Variants in ADCY8 observed in about 807,000 individuals in gnomAD.
ADCY8 encodes adenylate cyclase 8.
In ADCY8, 51 loss-of-function variants were observed where a neutral mutation model predicts 119.7. That is an observed-to-expected ratio of 0.43 (90% CI 0.34 to 0.54). ADCY8 has a LOEUF of 0.54. Among genes scored for constraint, ADCY8 ranks in the 20% least tolerant of loss-of-function variants. ADCY8 has a pLI of 0.03. For missense variants in ADCY8, 1,383 were observed against 1,598.8 expected (o/e 0.87, Z 2.30); for synonymous variants, 665 against 651.0 (o/e 1.02, Z -0.33).
chr8:130,954,400 A>C (rs1821363459), intron 2 of ADCY8, among the ~76,000 whole-genome samples: 1 of 152,212 alleles, frequency 6.6e-6, no homozygotes, highest in Non-Finnish European at 1.5e-5. Flanking sequence ...CCATGGACAT[A>C]TTTATAAGGC....
At chr8:131,006,156 C>T (rs76269098) in intron 1 of ADCY8, among the ~76,000 whole-genome samples, 1 of 152,174 alleles carries the variant, frequency 6.6e-6, no homozygotes, top group East Asian at 1.9e-4. Flanking sequence ...GGCTGTCCCC[C>T]TCTCACATTT....
At chr8:131,021,936 A>C (rs549524729) in intron 1 of ADCY8, among the ~76,000 whole-genome samples, 1 of 152,334 alleles carries the variant, frequency 6.6e-6, no homozygotes, top group African/African-American at 2.4e-5. Context: ...ATATGCAAAA[A>C]CAATTTAGGG....
intron 1 of ADCY8, among the ~76,000 whole-genome samples, chr8:130,992,826 G>A (rs1318577109): frequency 8.4e-6 from 1 of 119,380 alleles, no homozygotes; most frequent in Non-Finnish European, 1.8e-5. Flanking sequence ...AGGAGAGAAT[G>A]GGGCTAAACT....
At chr8:130,800,703 T>C in intron 14 of ADCY8, 131 bp from the exon 15 acceptor site, 1 of 975,502 alleles carries the variant, frequency 1.0e-6, no homozygotes, top group African/African-American at 1.6e-5. Flanking sequence ...GAGGCTTGGA[T>C]ATCGTTATGT....
At chr8:130,955,078 T>C (rs1821385969) in intron 2 of ADCY8, among the ~76,000 whole-genome samples, 1 of 152,148 alleles carries the variant, frequency 6.6e-6, no homozygotes, top group South Asian at 2.1e-4. Context: ...GGGAGATATA[T>C]AGATACATAG....
chr8:130,966,518 T>C (rs1218416287), intron 2 of ADCY8, among the ~76,000 whole-genome samples: 2 of 152,202 alleles, frequency 1.3e-5, no homozygotes, highest in African/African-American at 4.8e-5. Flanking sequence ...AATGCATGTT[T>C]GTAGAAGGAA....
chr8:131,001,225 A>G (rs925455199), intron 1 of ADCY8, among the ~76,000 whole-genome samples: 8 of 152,054 alleles, frequency 5.3e-5, no homozygotes, highest in African/African-American at 1.9e-4. Context: ...ACGAGGAGTG[A>G]GGGAGAAAAC....
chr8:130,948,689 C>G (rs961096503), intron 3 of ADCY8, among the ~76,000 whole-genome samples: 2 of 147,886 alleles, frequency 1.4e-5, no homozygotes, highest in Non-Finnish European at 3.0e-5. Flanking sequence ...AAATAATGCA[C>G]CAGGCAGTTT....
intron 8 of ADCY8, among the ~76,000 whole-genome samples, chr8:130,870,580 G>A (rs1483886473): frequency 6.6e-6 from 1 of 152,136 alleles, no homozygotes; most frequent in Non-Finnish European, 1.5e-5. Flanking sequence ...TGAACACTCA[G>A]ATCCTGAGCC....
chr8:130,874,146 A>G (rs1472780426), intron 8 of ADCY8, among the ~76,000 whole-genome samples: 1 of 151,910 alleles, frequency 6.6e-6, no homozygotes, highest in Non-Finnish European at 1.5e-5. Context: ...TGTCTCTGCT[A>G]AAAATACAAA....
chr8:131,040,236 G>T lies in ADCY8; in HGVS notation c.98C>A (p.Pro33Gln), dbSNP rs756126755. The change falls in exon 1 of 18, where the codon CCG becomes CAG. Residue 33 changes from proline (P) to glutamine (Q), a missense_variant. Around this residue, in one of 2 missense-constraint regions of ADCY8, gnomAD observed 455 missense variants for 435.3 expected, o/e 1.05. Coordinates refer to ENST00000286355, the MANE Select transcript of ADCY8 (RefSeq NM_001115.3). Reference protein sequence around the residue: ...PAGDGRSASRPQRLLWQTAVR... With the variant: ...PAGDGRSASRQQRLLWQTAVR... ...CGCCGTCTGCCACAGCAGCCGCTGC[G>T]GCCGGGAGGCGCTCCTGCCGTCGCC... The T allele has an allele frequency of 1.3e-6, 2 of 1,544,906 alleles. No individual in the cohort carries two copies. The highest frequency in any genetic ancestry group is 3.8e-5 in the Admixed American group (2 of 52,110).
At chr8:130,977,856 A>C (rs1054746236) in intron 2 of ADCY8, among the ~76,000 whole-genome samples, 7 of 152,230 alleles carry the variant, frequency 4.6e-5, no homozygotes, top group Non-Finnish European at 8.8e-5. Flanking sequence ...TTTAGAGTTC[A>C]TCCTTTTCTT....
At position 131,040,196 on chromosome 8, in the gene ADCY8, C is replaced by T; in HGVS notation, c.138G>A (p.Thr46=). 6.5e-7 allele frequency: 1 copy of T among 1,535,780 alleles called. No homozygotes were observed. Among genetic ancestry groups the T allele is most frequent in the South Asian group, 1.2e-5 (1 of 84,082 alleles). Residue 46 remains threonine, a synonymous_variant, in exon 1 of 18, where the codon ACG becomes ACA. Transcript: ENST00000286355. Reference sequence around the variant, plus strand: ...GGTGCCCGTGAATGAAGCGCTGCTCCGTGATGTGTCGCACCGCCGTCTGCC... The same window carrying T: ...GGTGCCCGTGAATGAAGCGCTGCTCTGTGATGTGTCGCACCGCCGTCTGCC... The part of the protein sequence containing the change: ...LLWQTAVRHI[T]EQRFIHGHRG...
rs1441465305 is a variant in ADCY8 at position 130,904,039 on chromosome 8, C to T, written c.1644G>A (p.Arg548=). The T allele has an allele frequency of 1.2e-6, 2 of 1,611,758 alleles. No individual in the cohort carries two copies. Among genetic ancestry groups the T allele is most frequent in the African/African-American group, 2.7e-5 (2 of 75,008 alleles). ...CCAGCGTGGCTTTGGAAATGTGAAT[C>T]CTCCTGTGTGTAGAAGGCATAGGTC... ...NKLESGGIPG[R]IHISKATLDC... The change falls in exon 7 of 18, where the codon AGG becomes AGA. Residue 548 remains arginine, a synonymous_variant. Coordinates refer to ENST00000286355, the MANE Select transcript of ADCY8 (RefSeq NM_001115.3).
Position 130,930,119 on chromosome 8 carries a change from A to G in ADCY8, c.1481+6954T>C, listed in dbSNP as rs576425968. On this transcript the variant is annotated intron_variant, in intron 5 of 17. Coordinates refer to ENST00000286355, the MANE Select transcript of ADCY8 (RefSeq NM_001115.3). ...ATTTTTTGATTCTAGAATTTAATGC[A>G]TTTACATTACATGTAGAGACTTGTT... 7.2e-5 allele frequency among the ~76,000 whole-genome samples: 11 copies of G among 152,280 alleles called. No homozygotes were observed. The South Asian group carries it at 1.0e-3, about 14-fold the overall frequency.
intron 1 of ADCY8, among the ~76,000 whole-genome samples, chr8:130,995,656 C>T (rs906958343): frequency 2.0e-5 from 3 of 152,090 alleles, no homozygotes; most frequent in Admixed American, 1.3e-4. Flanking sequence ...TCTTCGAACA[C>T]TACTCTCCAT....
chr8:130,849,952 A>G, intron 9 of ADCY8, 149 bp from the exon 10 acceptor site: 1 of 790,196 alleles, frequency 1.3e-6, no homozygotes, highest in Non-Finnish European at 2.0e-6. Flanking sequence ...AGCAGGAGAG[A>G]TTTTTAAAAA....
At chr8:130,969,417 C>G (rs1023549991) in intron 2 of ADCY8, among the ~76,000 whole-genome samples, 4 of 151,674 alleles carry the variant, frequency 2.6e-5, no homozygotes, top group African/African-American at 9.7e-5. Context: ...CTTTCTTTTT[C>G]TCTCTATCTA....
chr8:130,820,898 A>C (rs1816489159), intron 13 of ADCY8, among the ~76,000 whole-genome samples: 1 of 152,342 alleles, frequency 6.6e-6, no homozygotes, highest in African/African-American at 2.4e-5. Flanking sequence ...TTTATTTTAG[A>C]GTTGAGGAAA....
Sources: gnomAD v4.1 joint callset for allele counts (sites outside exome capture counted in the v4.1 genomes callset) on GRCh38, gnomAD v4.1.1 for gene constraint, gnomAD v4.1.1 regional missense constraint, MANE v1.5 for transcripts, NCBI Gene and HGNC (gene_info 2026-07-23, HGNC 2026-07-21) for gene names.